Variants in ADARB2 observed in about 807,000 individuals in gnomAD.
ADARB2 encodes inactive double-stranded RNA-specific editase B2.
Under a neutral mutation model 62.2 loss-of-function variants are expected in ADARB2, and 25 were observed. The observed-to-expected ratio is 0.40, with a 90% CI of 0.29 to 0.56. The LOEUF (loss-of-function observed/expected upper bound fraction) is 0.56, where lower values mean the gene tolerates loss of function less well. ADARB2 is among the 20% of genes least tolerant of loss of function. ADARB2 has a pLI of 0.43. For missense variants in ADARB2, 1,071 were observed against 1,077.4 expected (o/e 0.99, Z 0.08); for synonymous variants, 572 against 500.8 (o/e 1.14, Z -1.90).
At chr10:1,200,957 G>A (rs978408093) in intron 7 of ADARB2, among the ~76,000 whole-genome samples, 7 of 152,170 alleles carry the variant, frequency 4.6e-5, no homozygotes, top group African/African-American at 1.2e-4. Context: ...CCCGCATGCA[G>A]CGTCTCTTTT....
At chr10:1,734,772 A>G (rs561159292) in intron 1 of ADARB2, among the ~76,000 whole-genome samples, 1 of 152,354 alleles carries the variant, frequency 6.6e-6, no homozygotes, top group South Asian at 2.1e-4. Context: ...CGTGGATTTT[A>G]AATTGTGGCA....
chr10:1,182,420 G>A lies in ADARB2; in HGVS notation c.*773C>T, dbSNP rs1011295604. On this transcript the variant is annotated 3_prime_UTR_variant, in exon 10 of 10. Transcript: ENST00000381312. ...CAGACTCCCCACATCTGCAGCACGC[G>A]TGGGCCGGGTGTTTCCAGGCTCCCC... 3.3e-5 allele frequency: 5 copies of A among 151,340 alleles called. No individual in the cohort carries two copies. Among genetic ancestry groups the A allele is most frequent in the South Asian group, 2.0e-4 (1 of 4,968 alleles). The allele number at this position is 151,340 out of a possible 1,614,324, so 9.4% of individuals were successfully genotyped here.
intron 1 of ADARB2, among the ~76,000 whole-genome samples, chr10:1,466,116 G>A (rs918635239): frequency 4.6e-5 from 7 of 152,206 alleles, no homozygotes; most frequent in Non-Finnish European, 8.8e-5. Flanking sequence ...GGTTAAACCC[G>A]TAGTCCACTG....
intron 1 of ADARB2, among the ~76,000 whole-genome samples, chr10:1,695,648 C>T (rs1367373337): frequency 6.6e-6 from 1 of 152,064 alleles, no homozygotes; most frequent in African/African-American, 2.4e-5. Context: ...TACACATAAA[C>T]ATGCATGCGA....
Position 1,363,291 on chromosome 10 carries a change from C to T in ADARB2, c.814G>A (p.Ala272Thr). 8.1e-6 allele frequency: 10 copies of T among 1,233,458 alleles called. No individual in the cohort carries two copies. Among genetic ancestry groups the T allele is most frequent in the Non-Finnish European group, 1.0e-5 (10 of 987,474 alleles). 76.4% of individuals were successfully genotyped at this position (1,233,458 alleles called of 1,614,324 possible). A position where few individuals can be genotyped will look rare whatever the true frequency, so the allele number is the denominator to read the frequency against. Reference sequence around the variant, plus strand: ...ACGGGGTTGCGCTCGCCCGGGGCCGCGGGGGTGGCGGGGGTCGGGCCCACC... The same window carrying T: ...ACGGGGTTGCGCTCGCCCGGGGCCGTGGGGGTGGCGGGGGTCGGGCCCACC... ...DLVGPTPATP[A>T]APGERNPVVL... is the part of the protein sequence containing the mutation. The change falls in exon 3 of 10, where the codon GCG becomes ACG. Residue 272 changes from alanine (A) to threonine (T), a missense_variant. Physicochemically the swap from Ala to Thr is moderately conservative, Grantham distance 58. Coordinates refer to ENST00000381312, the MANE Select transcript of ADARB2 (RefSeq NM_018702.4).
chr10:1,186,507 C>T (rs757763829), intron 8 of ADARB2: 6 of 518,968 alleles, frequency 1.2e-5, no homozygotes, highest in Admixed American at 1.9e-5. Flanking sequence ...CTCTACCTGA[C>T]GCGTTCCCCA....
In ADARB2 at chr10:1,363,508, G is replaced by A. The variant is rs2131850816; in HGVS notation, c.597C>T (p.His199=). ...FVQFPNACQA[H]LAMGGGPGPG... ...GGCCCGGGCCCCCGCCCATGGCCAG[G>A]TGCGCCTGGCAGGCGTTGGGGAACT... The change falls in exon 3 of 10, where the codon CAC becomes CAT. Residue 199 remains histidine, a synonymous_variant. Coordinates refer to ENST00000381312, the MANE Select transcript of ADARB2 (RefSeq NM_018702.4). The A allele has an allele frequency of 2.6e-6, 4 of 1,531,496 alleles. No individual in the cohort carries two copies. Among genetic ancestry groups the A allele is most frequent in the Middle Eastern group, 3.5e-4 (2 of 5,698 alleles). The allele number at this position is 1,531,496 out of a possible 1,614,324, so 94.9% of individuals were successfully genotyped here.
intron 1 of ADARB2, among the ~76,000 whole-genome samples, chr10:1,546,785 T>C (rs995998018): frequency 1.3e-5 from 2 of 152,350 alleles, no homozygotes; most frequent in South Asian, 2.1e-4. Context: ...CATCTCCCGA[T>C]AGCCATTCCG....
rs1266023643 is a variant in ADARB2 at position 1,477,145 on chromosome 10, G to C, written c.101-97985C>G. Among the ~76,000 whole-genome samples the C allele has an allele frequency of 6.6e-6, 1 of 152,140 alleles. No individual in the cohort carries two copies. The highest frequency in any genetic ancestry group is 1.5e-5 in the Non-Finnish European group (1 of 68,028). On this transcript the variant is annotated intron_variant, in intron 1 of 9. Transcript: ENST00000381312. The surrounding 1 kb of genome is among the most constrained non-coding windows in gnomAD (Gnocchi z 4.5). ...CATGGCTGTGAAACTTGGGTTGCCC[G>C]ATCCTGCAAACGCTGGCTTTCTCCT...
chr10:1,544,618 C>T (rs191862171), intron 1 of ADARB2, among the ~76,000 whole-genome samples: 9 of 151,638 alleles, frequency 5.9e-5, no homozygotes, highest in South Asian at 2.1e-4. Flanking sequence ...GGTACAGGGG[C>T]GGGAATGGAT....
At chr10:1,452,738 C>T (rs1258979388) in intron 1 of ADARB2, among the ~76,000 whole-genome samples, 3 of 3,880 alleles carry the variant, frequency 7.7e-4, no homozygotes, top group African/African-American at 6.1e-4. Flanking sequence ...CACCATGGCA[C>T]GTGTATACTG....
chr10:1,456,606 T>C (rs1241868466), intron 1 of ADARB2, among the ~76,000 whole-genome samples: 5 of 152,180 alleles, frequency 3.3e-5, no homozygotes, highest in Non-Finnish European at 7.3e-5. Context: ...AGGGACCATT[T>C]TGGGGACTTG....
At chr10:1,504,654 G>T (rs72764938) in intron 1 of ADARB2, among the ~76,000 whole-genome samples, 23,542 of 152,230 alleles carry the variant, frequency 0.15, 2,212 homozygotes, top group Middle Eastern at 0.23. Context: ...AAGCCAGTCT[G>T]CAGGTGGGGC....
chr10:1,626,983 T>C (rs535730686), intron 1 of ADARB2, among the ~76,000 whole-genome samples: 7 of 151,994 alleles, frequency 4.6e-5, no homozygotes, highest in Non-Finnish European at 8.8e-5. Flanking sequence ...TGCCCTCTCC[T>C]TGCCTGACCC....
intron 1 of ADARB2, among the ~76,000 whole-genome samples, chr10:1,431,777 C>T (rs1231974158): frequency 6.6e-6 from 1 of 152,094 alleles, no homozygotes; most frequent in African/African-American, 2.4e-5. Context: ...GGTGCTATTA[C>T]TACAGAACGT....
chr10:1,660,648 C>A (rs1834234823), intron 1 of ADARB2, among the ~76,000 whole-genome samples: 2 of 152,152 alleles, frequency 1.3e-5, no homozygotes, highest in East Asian at 1.9e-4. Context: ...CCTGTTGGGA[C>A]CCCGTGTATC....
At chr10:1,449,789 T>C (rs1293075864) in intron 1 of ADARB2, among the ~76,000 whole-genome samples, 1 of 152,228 alleles carries the variant, frequency 6.6e-6, no homozygotes, top group Non-Finnish European at 1.5e-5. Context: ...TTAATCTCTA[T>C]TAGGCACTCA....
intron 1 of ADARB2, among the ~76,000 whole-genome samples, chr10:1,631,682 C>T (rs547203340): frequency 3.3e-5 from 5 of 152,220 alleles, no homozygotes; most frequent in South Asian, 2.1e-4. Context: ...TAAAGGACGA[C>T]GCTGTGTGGG....
At chr10:1,626,283 AG>A (rs1352798590) in intron 1 of ADARB2, among the ~76,000 whole-genome samples, 2 of 142,872 alleles carry the variant, frequency 1.4e-5, no homozygotes, top group Non-Finnish European at 3.0e-5. Flanking sequence ...GCATGGACAC[AG>A]GCCTCCACTG....
Sources: gnomAD v4.1 joint callset for allele counts (sites outside exome capture counted in the v4.1 genomes callset) on GRCh38, gnomAD v4.1.1 for gene constraint, Gnocchi (gnomAD v3.1) non-coding constraint, MANE v1.5 for transcripts, NCBI Gene and HGNC (gene_info 2026-07-23, HGNC 2026-07-21) for gene names.